The following SLC10A7 variants were observed in gnomAD, a reference collection of about 807,000 sequenced individuals.
SLC10A7 encodes solute carrier family 10 member 7.
A neutral mutation model predicts 43.2 loss-of-function variants in SLC10A7; 29 were observed. The ratio of observed to expected loss-of-function variants is 0.67; its 90% CI spans 0.50 to 0.92. The LOEUF (loss-of-function observed/expected upper bound fraction) is 0.92, where lower values mean the gene tolerates loss of function less well. Among genes scored for constraint, SLC10A7 ranks in the 40% least tolerant of loss-of-function variants. The pLI, the probability that SLC10A7 is intolerant of heterozygous loss-of-function variation, is 0.00. For synonymous variants in SLC10A7, 152 were observed against 144.8 expected, an observed-to-expected ratio of 1.05 and a Z score of -0.35; for missense variants, 295 against 403.2, an observed-to-expected ratio of 0.73 and a Z score of 2.30.
chr4:146,294,460 AACAG>A (rs1384078954), intron 7 of SLC10A7, among the ~76,000 whole-genome samples: 2 of 152,184 alleles, frequency 1.3e-5, no homozygotes, highest in Non-Finnish European at 2.9e-5. Flanking sequence ...CCTTTGCCTC[AACAG>A]ACAATTCCAA....
chr4:146,424,901 A>C (rs986912994), intron 5 of SLC10A7, among the ~76,000 whole-genome samples: 1 of 152,212 alleles, frequency 6.6e-6, no homozygotes, highest in Non-Finnish European at 1.5e-5. Context: ...TATAGTGTTG[A>C]AAAAGAAAAG....
At chr4:146,346,058 T>G (rs1560818913) in intron 5 of SLC10A7, among the ~76,000 whole-genome samples, 1 of 152,086 alleles carries the variant, frequency 6.6e-6, no homozygotes, top group Non-Finnish European at 1.5e-5. Context: ...CACCCACAAC[T>G]CTATACTGTA....
rs116027739 is a variant in SLC10A7 at position 146,431,040 on chromosome 4, C to T, written c.435+11743G>A. Among the ~76,000 whole-genome samples the T allele has an allele frequency of 2.4e-3, 372 of 152,168 alleles. 1 individual carries two copies. Among genetic ancestry groups the T allele is most frequent in the African/African-American group, 6.1e-3 (255 of 41,546 alleles). On this transcript the variant is annotated intron_variant, in intron 5 of 11. Coordinates refer to ENST00000335472, the MANE Select transcript of SLC10A7 (RefSeq NM_001029998.6). The stretch of plus-strand genomic sequence containing the variant: ...ATATTTTACTATTAATTTGTGTGAA[C>T]ATTTGTAAATAAAATTAATATAAAA...
At chr4:146,466,652 T>C (rs1465273230) in intron 4 of SLC10A7, among the ~76,000 whole-genome samples, 1 of 152,236 alleles carries the variant, frequency 6.6e-6, no homozygotes, top group African/African-American at 2.4e-5. Context: ...GAAAAAAAGC[T>C]GACATTTATT....
chr4:146,504,882 A>G (rs1736757121), intron 3 of SLC10A7, among the ~76,000 whole-genome samples: 1 of 152,230 alleles, frequency 6.6e-6, no homozygotes, highest in Admixed American at 6.5e-5. Flanking sequence ...ATGTGCACAC[A>G]CCCAAGATGA....
intron 5 of SLC10A7, among the ~76,000 whole-genome samples, chr4:146,395,669 C>T (rs1272028862): frequency 1.3e-5 from 2 of 152,054 alleles, no homozygotes; most frequent in African/African-American, 2.4e-5. Flanking sequence ...ATCGGACATG[C>T]TTTTTAGTAT....
Position 146,503,194 on chromosome 4 carries a change from CT to C in SLC10A7, c.396+654del, listed in dbSNP as rs574224080. Among the ~76,000 whole-genome samples the C allele has an allele frequency of 3.0e-3, 458 of 152,250 alleles. 3 individuals carry two copies. Among genetic ancestry groups the C allele is most frequent in the African/African-American group, 0.01 (426 of 41,568 alleles). ...TATATCTTCCCTCCTTCAATAACAT[CT>C]TTTTTCTGAATGAGAGAATATAAGT... On this transcript the variant is annotated intron_variant, in intron 4 of 11. Transcript: ENST00000335472.
chr4:146,474,832 T>C (rs567681891), intron 4 of SLC10A7, among the ~76,000 whole-genome samples: 1 of 152,314 alleles, frequency 6.6e-6, no homozygotes, highest in Admixed American at 6.5e-5. Context: ...TTACGTGTGA[T>C]ATACTAATTT....
intron 6 of SLC10A7, among the ~76,000 whole-genome samples, chr4:146,325,735 C>T (rs545621982): frequency 2.7e-4 from 41 of 152,236 alleles, no homozygotes; most frequent in Non-Finnish European, 5.1e-4. Context: ...AATGATTTAG[C>T]CAGGAGCTGG....
At chr4:146,292,838 A>G in intron 9 of SLC10A7, 91 bp downstream of exon 9, 1 of 886,206 alleles carries the variant, frequency 1.1e-6, no homozygotes, top group Non-Finnish European at 1.7e-6. Context: ...AAGGAGAAAA[A>G]AATATAAACG....
At chr4:146,486,646 T>C (rs982456921) in intron 4 of SLC10A7, among the ~76,000 whole-genome samples, 1 of 152,224 alleles carries the variant, frequency 6.6e-6, no homozygotes, top group African/African-American at 2.4e-5. Flanking sequence ...GGCTTCCTGG[T>C]AGTATTTGGG....
chr4:146,289,705 A>ATT (rs1730272831), intron 9 of SLC10A7, among the ~76,000 whole-genome samples: 1 of 106,500 alleles, frequency 9.4e-6, no homozygotes, highest in Non-Finnish European at 1.9e-5. Context: ...TCTGATTATT[A>ATT]GTTTTTTTTT....
chr4:146,254,087 G>T lies in SLC10A7; in HGVS notation c.*2404C>A, dbSNP rs1307412709. ...TAACCAATCCTTTTGAAAAAATTTG[G>T]TATTTAGCACAAACACTGAACATTA... On this transcript the variant is annotated 3_prime_UTR_variant, in exon 12 of 12. Coordinates refer to ENST00000335472, the MANE Select transcript of SLC10A7 (RefSeq NM_001029998.6). 1.3e-5 allele frequency: 2 copies of T among 151,658 alleles called. No homozygotes were observed. The highest frequency in any genetic ancestry group is 4.9e-5 in the African/African-American group (2 of 41,224). 9.4% of individuals were successfully genotyped at this position (151,658 alleles called of 1,614,324 possible).
chr4:146,378,924 T>C (rs1010370950), intron 5 of SLC10A7, among the ~76,000 whole-genome samples: 2 of 150,256 alleles, frequency 1.3e-5, no homozygotes, highest in African/African-American at 5.0e-5. Context: ...CTTCTCACAA[T>C]TGAGTATTAG....
rs907412785 is a variant in SLC10A7 at position 146,445,424 on chromosome 4, A to C, written c.397-2603T>G. Among the ~76,000 whole-genome samples, 56 of 152,196 alleles carry C rather than the reference A, an allele frequency of 3.7e-4. 1 individual carries two copies. The highest frequency in any genetic ancestry group is 1.5e-5 in the Non-Finnish European group (1 of 68,038). On this transcript the variant is annotated intron_variant, in intron 4 of 11. Transcript: ENST00000335472. ...CCGGTCGCACCTCTCTGGCGGGAGC[A>C]GGGTTTGTGCAGACCCGCGGCAGTG...
At chr4:146,358,658 T>C (rs549933415) in intron 5 of SLC10A7, among the ~76,000 whole-genome samples, 1 of 152,292 alleles carries the variant, frequency 6.6e-6, no homozygotes, top group South Asian at 2.1e-4. Context: ...TTAGTATTAT[T>C]AATATATCTG....
At chr4:146,434,559 T>C (rs1560903972) in intron 5 of SLC10A7, among the ~76,000 whole-genome samples, 1 of 151,996 alleles carries the variant, frequency 6.6e-6, no homozygotes, top group Admixed American at 6.6e-5. Flanking sequence ...CGTGAAGTTG[T>C]TTTTATTTTT....
chr4:146,311,540 A>G (rs1731976614), intron 6 of SLC10A7, among the ~76,000 whole-genome samples: 1 of 152,174 alleles, frequency 6.6e-6, no homozygotes, highest in South Asian at 2.1e-4. Context: ...GTATTAAATA[A>G]TTCACCCTTG....
intron 1 of SLC10A7, among the ~76,000 whole-genome samples, chr4:146,519,579 T>A (rs1292384596): frequency 6.6e-6 from 1 of 152,196 alleles, no homozygotes; most frequent in East Asian, 1.9e-4. Flanking sequence ...AGGTACATTA[T>A]CTTTATATTT....
Sources: gnomAD v4.1 joint callset for allele counts (sites outside exome capture counted in the v4.1 genomes callset) on GRCh38, gnomAD v4.1.1 for gene constraint, MANE v1.5 for transcripts, NCBI Gene and HGNC (gene_info 2026-07-23, HGNC 2026-07-21) for gene names.